The following RAB10 variants were observed in gnomAD, a reference collection of about 807,000 sequenced individuals.
The protein encoded by RAB10 is RAB10, member RAS oncogene family.
A neutral mutation model predicts 25.7 loss-of-function variants in RAB10; 5 were observed. The observed-to-expected ratio is 0.19, with a 90% CI of 0.10 to 0.41. The LOEUF (loss-of-function observed/expected upper bound fraction) is 0.41, where lower values mean the gene tolerates loss of function less well. RAB10 is among the 10% of genes least tolerant of loss of function. The probability of loss-of-function intolerance (pLI) is 1.00; values close to 1 mark genes in which losing one functional copy is unlikely to be tolerated. For missense variants in RAB10, 103 were observed against 245.8 expected, an observed-to-expected ratio of 0.42 and a Z score of 3.89; for synonymous variants, 89 against 86.4, an observed-to-expected ratio of 1.03 and a Z score of -0.16.
chr2:26,047,817 G>A (rs1322934893), intron 1 of RAB10, among the ~76,000 whole-genome samples: 1 of 144,490 alleles, frequency 6.9e-6, no homozygotes, highest in Non-Finnish European at 1.5e-5. Flanking sequence ...CCTGCCTCCT[G>A]TGTTCAAACG....
chr2:26,043,611 G>A (rs896700788), intron 1 of RAB10, among the ~76,000 whole-genome samples: 3 of 152,180 alleles, frequency 2.0e-5, no homozygotes, highest in Admixed American at 1.3e-4. Flanking sequence ...ATTCTAACAT[G>A]CTACCACATG....
At chr2:26,080,605 C>T (rs1485359479) in intron 1 of RAB10, among the ~76,000 whole-genome samples, 2 of 152,118 alleles carry the variant, frequency 1.3e-5, no homozygotes, top group Admixed American at 6.6e-5. Flanking sequence ...AACTCTTGGG[C>T]TCAAGTGATC....
At chr2:26,101,314 G>A (rs1183736249) in intron 2 of RAB10, 1 of 152,294 alleles carries the variant, frequency 6.6e-6, no homozygotes, top group Middle Eastern at 3.4e-3. Flanking sequence ...TTGTATAAAA[G>A]CACTACATAG....
chr2:26,069,686 A>G (rs997591142), intron 1 of RAB10, among the ~76,000 whole-genome samples: 2 of 151,238 alleles, frequency 1.3e-5, no homozygotes, highest in African/African-American at 2.4e-5. Context: ...AAAAAAAAAG[A>G]AAAAAGGAAA....
rs1247250281 is a variant in RAB10 at position 26,109,789 on chromosome 2, A to C, written c.210A>C (p.Arg70=). Residue 70 remains arginine (R), a synonymous_variant, in exon 3 of 6, where the codon CGA becomes CGC. Coordinates refer to ENST00000264710, the MANE Select transcript of RAB10 (RefSeq NM_016131.5). ...LQIWDTAGQE[R]FHTITTSYYR... is the part of the protein sequence containing the mutation. ...TCAGGGATACAGCAGGCCAGGAGCG[A>C]TTTCACACCATCACAACCTCCTACT... 6.2e-7 allele frequency: 1 copy of C among 1,604,400 alleles called. No individual in the cohort carries two copies. Among genetic ancestry groups the C allele is most frequent in the Non-Finnish European group, 8.5e-7 (1 of 1,176,344 alleles).
chr2:26,075,972 G>A (rs1666723603), intron 1 of RAB10, among the ~76,000 whole-genome samples: 1 of 152,114 alleles, frequency 6.6e-6, no homozygotes, highest in African/African-American at 2.4e-5. Context: ...GATCAGGGAG[G>A]TGTATCAATA....
At position 26,045,486 on chromosome 2, in the gene RAB10, G is replaced by A. The variant is rs377029060; in HGVS notation, c.127+10751G>A. Among the ~76,000 whole-genome samples the A allele has an allele frequency of 3.4e-4, 51 of 152,172 alleles. No individual in the cohort carries two copies. The South Asian group carries it at 9.8e-3, about 29-fold the overall frequency. The stretch of plus-strand genomic sequence containing the variant: ...GATCTCCTGACCTCATGATCCGCCC[G>A]CCTCTGCCTCCCAAAGTGCTGGGAT... On this transcript the variant is annotated intron_variant, in intron 1 of 5. Coordinates refer to ENST00000264710, the MANE Select transcript of RAB10 (RefSeq NM_016131.5).
chr2:26,048,475 G>T (rs907815883), intron 1 of RAB10, among the ~76,000 whole-genome samples: 1 of 152,172 alleles, frequency 6.6e-6, no homozygotes, highest in African/African-American at 2.4e-5. Context: ...CAAAGGTGTT[G>T]AAAAGTCCTT....
At chr2:26,104,983 C>T (rs934909688) in intron 2 of RAB10, among the ~76,000 whole-genome samples, 5 of 152,008 alleles carry the variant, frequency 3.3e-5, no homozygotes, top group South Asian at 2.1e-4. Context: ...GTGATCCACC[C>T]GCCTCGGCCT....
rs901150438 is a variant in RAB10, at chr2:26,127,847, T to C, written c.418-3T>C. On this transcript the variant is annotated splice_region_variant and splice_polypyrimidine_tract_variant and intron_variant, in intron 4 of 5. Transcript: ENST00000264710. ...TTATGATGATATTTTGTTTCTGTTTTAGATTGCAAGGGAGCATGGTATTAG... is the reference window on the plus strand; with the variant it reads ...TTATGATGATATTTTGTTTCTGTTTCAGATTGCAAGGGAGCATGGTATTAG... 1.9e-6 allele frequency: 3 copies of C among 1,585,634 alleles called. No homozygotes were observed. In the Admixed American group the frequency reaches 5.0e-5, roughly 26 times the overall value.
At chr2:26,094,233 A>T (rs1667163879) in intron 1 of RAB10, among the ~76,000 whole-genome samples, 1 of 149,976 alleles carries the variant, frequency 6.7e-6, no homozygotes, top group East Asian at 2.0e-4. Context: ...CATCCATTTC[A>T]TTTCATCTCA....
intron 1 of RAB10, among the ~76,000 whole-genome samples, chr2:26,079,310 AACACACACACACAAACACACACACAC>A (rs1311658923): frequency 1.1e-4 from 7 of 61,336 alleles, no homozygotes; most frequent in South Asian, 4.7e-4. Context: ...GCAAGTTTGA[AACACACACACACAAACACACACACAC>A]ACACACACAC....
Position 26,091,829 on chromosome 2 carries a change from G to A in RAB10, c.128-6833G>A, listed in dbSNP as rs1233428791. On this transcript the variant is annotated intron_variant, in intron 1 of 5. Coordinates refer to ENST00000264710, the MANE Select transcript of RAB10 (RefSeq NM_016131.5). ...GTGGCTAGAAAGGTAGGAGAGTCAG[G>A]AGTTTTCATGCAAAAAAGAGTGAAG... 2.6e-5 allele frequency among the ~76,000 whole-genome samples: 4 copies of A among 152,126 alleles called. No homozygotes were observed. The East Asian group carries it at 7.7e-4, about 29-fold the overall frequency.
chr2:26,097,250 A>G (rs766556953), intron 1 of RAB10, among the ~76,000 whole-genome samples: 4 of 152,064 alleles, frequency 2.6e-5, no homozygotes, highest in Non-Finnish European at 4.4e-5. Context: ...AAATGAAAAC[A>G]TACTTTGTAT....
intron 1 of RAB10, among the ~76,000 whole-genome samples, chr2:26,055,948 G>T (rs925730140): frequency 6.6e-6 from 1 of 151,448 alleles, no homozygotes; most frequent in African/African-American, 2.4e-5. Flanking sequence ...CAGGATGAGC[G>T]CAGTGGCACA....
At chr2:26,116,026 A>T (rs1667682053) in intron 3 of RAB10, among the ~76,000 whole-genome samples, 1 of 151,284 alleles carries the variant, frequency 6.6e-6, no homozygotes, top group Admixed American at 6.6e-5. Context: ...CGCCCGGCTA[A>T]TTTTTTTTGT....
intron 1 of RAB10, among the ~76,000 whole-genome samples, chr2:26,083,767 C>T (rs1319888489): frequency 3.9e-5 from 6 of 152,102 alleles, no homozygotes; most frequent in Admixed American, 6.5e-5. Flanking sequence ...GATCTGCCCA[C>T]GCCGGCCCCA....
At chr2:26,041,657 G>A (rs1383673313) in intron 1 of RAB10, among the ~76,000 whole-genome samples, 2 of 151,386 alleles carry the variant, frequency 1.3e-5, no homozygotes, top group East Asian at 1.9e-4. Context: ...TGTAATCCCA[G>A]CACTTTGGGA....
intron 1 of RAB10, among the ~76,000 whole-genome samples, chr2:26,067,795 A>T (rs75106048): frequency 0.013 from 2,045 of 152,358 alleles, 24 homozygotes; most frequent in Non-Finnish European, 0.021. Context: ...CACCAATTCA[A>T]TGTCTGTGAA....
Sources: gnomAD v4.1 joint callset for allele counts (sites outside exome capture counted in the v4.1 genomes callset) on GRCh38, gnomAD v4.1.1 for gene constraint, MANE v1.5 for transcripts, NCBI Gene and HGNC (gene_info 2026-07-23, HGNC 2026-07-21) for gene names.